The following RAB28 variants were observed in gnomAD, a reference collection of about 807,000 sequenced individuals.
RAB28 encodes the protein ras-related protein Rab-28.
Under a neutral mutation model 31.7 loss-of-function variants are expected in RAB28, and 24 were observed. The observed-to-expected ratio is 0.76, with a 90% CI of 0.55 to 1.06. The LOEUF (loss-of-function observed/expected upper bound fraction) is 1.06, where lower values mean the gene tolerates loss of function less well. Ranked by LOEUF, RAB28 falls within the 50% of genes least tolerant of loss-of-function variation. The pLI is 0.00. For synonymous variants in RAB28, 100 were observed against 90.4 expected, an observed-to-expected ratio of 1.11 and a Z score of -0.60; for missense variants, 254 against 258.5, an observed-to-expected ratio of 0.98 and a Z score of 0.12.
intron 4 of RAB28, among the ~76,000 whole-genome samples, chr4:13,407,008 T>C (rs1031172480): frequency 1.3e-5 from 2 of 152,236 alleles, no homozygotes; most frequent in Non-Finnish European, 2.9e-5. Flanking sequence ...TTTAATTAGA[T>C]CACATTTGTC....
chr4:13,459,748 G>A (rs1322360958), intron 4 of RAB28: 3 of 1,073,618 alleles, frequency 2.8e-6, no homozygotes, highest in Middle Eastern at 3.2e-4. Context: ...TAAGAGACAG[G>A]AGCAAGAAAC....
chr4:13,368,522 G>A lies in RAB28; in HGVS notation c.*36C>T, dbSNP rs373020630. On this transcript the variant is annotated 3_prime_UTR_variant, in exon 7 of 7. Coordinates refer to ENST00000330852, the MANE Select transcript of RAB28 (RefSeq NM_001017979.3). ...TCCTCGGGCCCACCCAGAGGTGAAG[G>A]GCAGCCAGAACTATCAACACAAAAG... is the stretch of plus-strand genomic sequence containing the variant. The A allele has an allele frequency of 7.6e-6, 12 of 1,586,084 alleles. No homozygotes were observed. The highest frequency in any genetic ancestry group is 5.5e-5 in the African/African-American group (4 of 72,576).
At chr4:13,434,006 T>C (rs1035264169) in intron 4 of RAB28, among the ~76,000 whole-genome samples, 4 of 152,166 alleles carry the variant, frequency 2.6e-5, no homozygotes, top group African/African-American at 4.8e-5. Context: ...ATCATGTCCT[T>C]TGCAGCAACA....
chr4:13,422,498 C>G (rs1279249596), intron 4 of RAB28, among the ~76,000 whole-genome samples: 6 of 152,106 alleles, frequency 3.9e-5, no homozygotes, highest in African/African-American at 1.4e-4. Flanking sequence ...GGAACCAACC[C>G]AAATGTCCAT....
intron 4 of RAB28, among the ~76,000 whole-genome samples, chr4:13,439,923 T>C (rs1714326038): frequency 6.6e-6 from 1 of 152,170 alleles, no homozygotes; most frequent in African/African-American, 2.4e-5. Flanking sequence ...TTTCTCTCTT[T>C]AGAAATTATA....
intron 4 of RAB28, among the ~76,000 whole-genome samples, chr4:13,399,510 A>G (rs925926456): frequency 2.6e-5 from 4 of 152,202 alleles, no homozygotes; most frequent in African/African-American, 9.6e-5. Context: ...GCAGAATGTC[A>G]AATTGTTTTC....
At chr4:13,415,681 C>A (rs1712729734) in intron 4 of RAB28, among the ~76,000 whole-genome samples, 1 of 152,186 alleles carries the variant, frequency 6.6e-6, no homozygotes, top group Non-Finnish European at 1.5e-5. Context: ...ACCCTGGGCT[C>A]CTGTGTGGCC....
At chr4:13,474,115 C>T in intron 3 of RAB28, 1 of 714,534 alleles carries the variant, frequency 1.4e-6, no homozygotes, top group South Asian at 1.4e-5. Context: ...TCAGAGTTTT[C>T]CTGTTCCCTC....
chr4:13,381,984 C>G (rs1223762866), intron 4 of RAB28, among the ~76,000 whole-genome samples: 2 of 152,140 alleles, frequency 1.3e-5, no homozygotes, highest in Non-Finnish European at 2.9e-5. Context: ...TGTACTTACC[C>G]AAGCATATTT....
chr4:13,442,942 A>G (rs1401789163), intron 4 of RAB28, among the ~76,000 whole-genome samples: 2 of 152,206 alleles, frequency 1.3e-5, no homozygotes, highest in Non-Finnish European at 2.9e-5. Flanking sequence ...GTCCTTAACC[A>G]CTATCCACAG....
intron 4 of RAB28, among the ~76,000 whole-genome samples, chr4:13,386,418 A>G (rs949459078): frequency 3.3e-5 from 5 of 152,086 alleles, no homozygotes; most frequent in African/African-American, 9.7e-5. Context: ...ACAAGAAAAA[A>G]AAACAGCTCA....
At chr4:13,461,507 T>C (rs755259888) in intron 3 of RAB28, among the ~76,000 whole-genome samples, 3 of 152,212 alleles carry the variant, frequency 2.0e-5, no homozygotes, top group Non-Finnish European at 4.4e-5. Flanking sequence ...ATCATAGTTG[T>C]TGATTCTTCC....
chr4:13,397,084 TAATC>T (rs961129866), intron 4 of RAB28, among the ~76,000 whole-genome samples: 2 of 152,062 alleles, frequency 1.3e-5, no homozygotes, highest in African/African-American at 4.8e-5. Context: ...TAAATACAAA[TAATC>T]AATTGTGTCT....
chr4:13,382,481 A>T (rs944222278), intron 4 of RAB28, among the ~76,000 whole-genome samples: 2 of 152,034 alleles, frequency 1.3e-5, no homozygotes, highest in Admixed American at 1.3e-4. Context: ...ACTTGTAAAA[A>T]CTTGTAAATT....
chr4:13,368,367 C>T lies in RAB28; in HGVS notation c.*191G>A. The T allele has an allele frequency of 8.1e-7, 1 of 1,229,180 alleles. No homozygotes were observed. Among genetic ancestry groups the T allele is most frequent in the Non-Finnish European group, 1.0e-6 (1 of 985,180 alleles). The allele number at this position is 1,229,180 out of a possible 1,614,324, so 76.1% of individuals were successfully genotyped here. A position where few individuals can be genotyped will look rare whatever the true frequency, so the allele number is the denominator to read the frequency against. On this transcript the variant is annotated 3_prime_UTR_variant, in exon 7 of 7. Coordinates refer to ENST00000330852, the MANE Select transcript of RAB28 (RefSeq NM_001017979.3). ...CATTTTGAATTCAAAGTGTGTGGTC[C>T]CAAAGTTGAATTCTTTCAAATCCAA...
rs568315836 is a variant in RAB28 at position 13,393,055 on chromosome 4, C to T, written c.392-11461G>A. ...GTTTGTCCATGCATTTATTTACTCACCAACAATTTATGTAGTGCTAAAAGC... is the reference window on the plus strand; with the variant it reads ...GTTTGTCCATGCATTTATTTACTCATCAACAATTTATGTAGTGCTAAAAGC... On this transcript the variant is annotated intron_variant, in intron 4 of 6. Transcript: ENST00000330852. 1.8e-4 allele frequency among the ~76,000 whole-genome samples: 28 copies of T among 152,224 alleles called. No individual in the cohort carries two copies. In the South Asian group the frequency reaches 5.8e-3, roughly 32 times the overall value.
At chr4:13,444,064 G>A (rs928701253) in intron 4 of RAB28, among the ~76,000 whole-genome samples, 1 of 146,308 alleles carries the variant, frequency 6.8e-6, no homozygotes, top group Non-Finnish European at 1.5e-5. Flanking sequence ...GTCTCGCTGT[G>A]TCACCCAGGC....
intron 4 of RAB28, among the ~76,000 whole-genome samples, chr4:13,424,080 T>C (rs1713337175): frequency 2.0e-5 from 3 of 152,230 alleles, no homozygotes; most frequent in African/African-American, 7.2e-5. Flanking sequence ...GGAAGCTTAC[T>C]ATTATGTAAA....
chr4:13,370,020 AGAC>A, intron 6 of RAB28: 1 of 1,570,740 alleles, frequency 6.4e-7, no homozygotes, highest in Non-Finnish European at 8.6e-7. Context: ...AAAAAAAAAA[AGAC>A]AAAATGGAAA....
Sources: allele counts gnomAD v4.1 joint callset (sites outside exome capture counted in the v4.1 genomes callset), GRCh38; gene constraint gnomAD v4.1.1; transcripts MANE v1.5; gene names NCBI Gene and HGNC (gene_info 2026-07-23, HGNC 2026-07-21).